AQP7: variants seen among roughly 807,000 people sequenced by gnomAD.
The protein encoded by AQP7 is aquaporin 7.
AQP7 carries 22 observed loss-of-function variants against 26.1 expected under a neutral mutation model. The ratio of observed to expected loss-of-function variants is 0.84; its 90% CI spans 0.60 to 1.20. AQP7 has a LOEUF of 1.20. Among genes scored for constraint, AQP7 ranks in the 50% most tolerant of loss-of-function variants. AQP7 has a pLI of 0.00. For synonymous variants in AQP7, 167 were observed against 181.7 expected (o/e 0.92, Z 0.65); for missense variants, 412 against 457.5 (o/e 0.90, Z 0.91).
chr9:33,389,129 G>C (rs1288537654), intron 3 of AQP7, among the ~76,000 whole-genome samples: 1 of 151,354 alleles, frequency 6.6e-6, no homozygotes, highest in African/African-American at 2.4e-5. Flanking sequence ...CCGGGTTCAA[G>C]TGATTCTCCT....
chr9:33,389,271 C>T (rs375147973), intron 3 of AQP7, among the ~76,000 whole-genome samples: 5 of 152,146 alleles, frequency 3.3e-5, no homozygotes, highest in Non-Finnish European at 5.9e-5. Context: ...TCAGATGATC[C>T]GCCTGCCTTG....
chr9:33,385,129 G>A lies in AQP7; in HGVS notation c.905C>T (p.Pro302Leu), dbSNP rs767693529. The A allele has an allele frequency of 8.1e-6, 13 of 1,611,912 alleles. No individual in the cohort carries two copies. The South Asian group carries it at 1.4e-4, about 18-fold the overall frequency. Residue 302 changes from proline to leucine, a missense_variant, in exon 8 of 8, where the codon CCC (proline) becomes CTC (leucine). Coordinates refer to ENST00000297988, the MANE Select transcript of AQP7 (RefSeq NM_001170.3). ...AYEDHGITVL[P>L]KMGSHEPTIS... ...CGTGGGTTCATGAGATCCCATCTTG[G>A]GCAATACGGTTATCCCGTGGTCTTC...
chr9:33,394,226 C>G (rs1331286840), intron 3 of AQP7: 1 of 152,434 alleles, frequency 6.6e-6, no homozygotes, highest in Admixed American at 6.5e-5. Flanking sequence ...TTCCACAGCC[C>G]TCTCAAACAT....
At chr9:33,398,492 G>A (rs1355437341) in intron 2 of AQP7, among the ~76,000 whole-genome samples, 2 of 152,262 alleles carry the variant, frequency 1.3e-5, no homozygotes, top group South Asian at 2.1e-4. Flanking sequence ...CTGAGCCACA[G>A]AGATGGCAGC....
rs766191156 is a variant in AQP7 at position 33,387,008 on chromosome 9, C to T, written c.229G>A (p.Gly77Arg). 4.2e-5 allele frequency: 67 copies of T among 1,611,866 alleles called. No homozygotes were observed. The highest frequency in any genetic ancestry group is 3.0e-4 in the South Asian group (27 of 90,986). ...YLGVNLGFGF[G>R]VTMGVHVAGR... ...GCCACGTGCACTCCCATGGTGACTC[C>T]GAAGCCAAAACCCAAGTTGACACCA... The change falls in exon 4 of 8, where the codon GGA (glycine) becomes AGA (arginine). Residue 77 changes from glycine (G) to arginine (R), a missense_variant. Coordinates refer to ENST00000297988, the MANE Select transcript of AQP7 (RefSeq NM_001170.3).
At chr9:33,399,742 C>G (rs1826111703) in intron 2 of AQP7, among the ~76,000 whole-genome samples, 1 of 152,022 alleles carries the variant, frequency 6.6e-6, no homozygotes, top group Admixed American at 6.6e-5. Flanking sequence ...AGAGAAGCAG[C>G]CTGGGACTGG....
At chr9:33,398,842 G>T (rs1587150827) in intron 2 of AQP7, among the ~76,000 whole-genome samples, 1 of 152,140 alleles carries the variant, frequency 6.6e-6, no homozygotes, top group East Asian at 1.9e-4. Context: ...AGACTAAGAA[G>T]AGGGGCCCAA....
chr9:33,397,143 G>A (rs1564190979), intron 2 of AQP7, among the ~76,000 whole-genome samples: 1 of 151,658 alleles, frequency 6.6e-6, no homozygotes, highest in Non-Finnish European at 1.5e-5. Flanking sequence ...TTAATTAACG[G>A]TTTTTCTTCC....
chr9:33,387,891 C>T (rs1825015061), intron 3 of AQP7, among the ~76,000 whole-genome samples: 1 of 152,178 alleles, frequency 6.6e-6, no homozygotes, highest in Non-Finnish European at 1.5e-5. Flanking sequence ...CAGCGTCCTT[C>T]TCCAGCTGTG....
chr9:33,401,202 G>A (rs1441347024), intron 2 of AQP7, 35 bp downstream of exon 2: 10 of 1,548,084 alleles, frequency 6.5e-6, no homozygotes, highest in East Asian at 2.4e-5. Context: ...TGAAGGACAG[G>A]GGGCTGGAGG....
chr9:33,401,760 G>A (rs910819654), intron 1 of AQP7: 12 of 170,292 alleles, frequency 7.0e-5, no homozygotes, highest in South Asian at 4.6e-4. Flanking sequence ...CATTTCACCC[G>A]TGTACCTCAC....
chr9:33,385,303 G>A lies in AQP7; in HGVS notation c.744-13C>T, dbSNP rs1279272204. 1.2e-6 allele frequency: 2 copies of A among 1,604,022 alleles called. No homozygotes were observed. The highest frequency in any genetic ancestry group is 3.4e-5 in the Admixed American group (2 of 59,622). On this transcript the variant is annotated splice_polypyrimidine_tract_variant and intron_variant, in intron 7 of 7. Transcript: ENST00000297988. ...GTTCTCCCCATTGCTGCAGGCAAGA[G>A]GCAGAGGCCTGCTGAGGGGGCTGAT... is the stretch of plus-strand genomic sequence containing the variant.
Position 33,384,947 on chromosome 9 carries a change from T to G in AQP7, c.*58A>C. The G allele has an allele frequency of 6.5e-7, 1 of 1,541,958 alleles. No homozygotes were observed. Among genetic ancestry groups the G allele is most frequent in the Non-Finnish European group, 8.8e-7 (1 of 1,138,292 alleles). ...GGAGGCCCCCAGGAAGTGGGGGTAC[T>G]GCTGTCGGACAAGCCTTGCTTTATT... On this transcript the variant is annotated 3_prime_UTR_variant, in exon 8 of 8. Transcript: ENST00000297988.
intron 5 of AQP7, 87 bp from the exon 6 acceptor site, chr9:33,386,282 G>A: frequency 1.9e-6 from 3 of 1,601,024 alleles, no homozygotes; most frequent in Non-Finnish European, 2.6e-6. Context: ...TAGAGGGTGG[G>A]GGATCTCCAA....
rs1810671 is a variant in AQP7, at chr9:33,386,693, G to A, written c.269-152C>T. The A allele has an allele frequency of 8.2e-4, 965 of 1,172,906 alleles. 1 individual carries two copies. Among genetic ancestry groups the A allele is most frequent in the Non-Finnish European group, 1.1e-3 (890 of 841,956 alleles). 72.7% of individuals were successfully genotyped at this position (1,172,906 alleles called of 1,614,324 possible). A position where few individuals can be genotyped will look rare whatever the true frequency, so the allele number is the denominator to read the frequency against. On this transcript the variant is annotated intron_variant, in intron 4 of 7. Coordinates refer to ENST00000297988, the MANE Select transcript of AQP7 (RefSeq NM_001170.3). ...CTCACAACCACCCCGTGAGGCAGGG[G>A]CCACCATCTTCGTTTCACTCTCAAG... is the stretch of plus-strand genomic sequence containing the variant.
intron 3 of AQP7, among the ~76,000 whole-genome samples, chr9:33,389,338 T>A (rs1825167415): frequency 6.6e-6 from 1 of 152,102 alleles, no homozygotes; most frequent in Non-Finnish European, 1.5e-5. Context: ...CCCAGCTAAT[T>A]TTTTCAATTT....
At chr9:33,390,114 G>A (rs997901488) in intron 3 of AQP7, among the ~76,000 whole-genome samples, 2 of 152,154 alleles carry the variant, frequency 1.3e-5, no homozygotes, top group Admixed American at 6.5e-5. Context: ...CTGAGGAGCG[G>A]GGGAGAGAGA....
In AQP7 at chr9:33,391,848, G is replaced by A. The variant is rs371841070; in HGVS notation, c.144+3230C>T. 2.6e-5 allele frequency among the ~76,000 whole-genome samples: 4 copies of A among 152,140 alleles called. No individual in the cohort carries two copies. The South Asian group carries it at 6.2e-4, about 24-fold the overall frequency. The stretch of plus-strand genomic sequence containing the variant: ...TTCAATCCTCACAGCAAATCTGCAC[G>A]GCAAGAATTTTTCTCCCACTCTATA... On this transcript the variant is annotated intron_variant, in intron 3 of 7. Coordinates refer to ENST00000297988, the MANE Select transcript of AQP7 (RefSeq NM_001170.3).
intron 2 of AQP7, among the ~76,000 whole-genome samples, chr9:33,399,259 G>A (rs529819936): frequency 1.3e-5 from 2 of 152,036 alleles, no homozygotes; most frequent in Middle Eastern, 3.4e-3. Flanking sequence ...AACTAACCAC[G>A]AGCCAACAAT....
Sources: allele counts gnomAD v4.1 joint callset (sites outside exome capture counted in the v4.1 genomes callset), GRCh38; gene constraint gnomAD v4.1.1; transcripts MANE v1.5; gene names NCBI Gene and HGNC (gene_info 2026-07-23, HGNC 2026-07-21).